The following PRSS1 variants were observed in gnomAD, a reference collection of about 807,000 sequenced individuals.
The protein encoded by PRSS1 is serine protease 1, also known as TCR V beta 4.1.
A neutral mutation model predicts 24.2 loss-of-function variants in PRSS1; 22 were observed. That is an observed-to-expected ratio of 0.91 (90% CI 0.65 to 1.30). The LOEUF (loss-of-function observed/expected upper bound fraction) is 1.30, where lower values mean the gene tolerates loss of function less well. Among genes scored for constraint, PRSS1 ranks in the 50% most tolerant of loss-of-function variants. The pLI is 0.00. For missense variants in PRSS1, 366 were observed against 304.2 expected, an observed-to-expected ratio of 1.20 and a Z score of -1.51; for synonymous variants, 126 against 116.1, an observed-to-expected ratio of 1.08 and a Z score of -0.55.
chr7:142,751,554 T>G, intron 2 of PRSS1: 1 of 774,900 alleles, frequency 1.3e-6, no homozygotes, highest in South Asian at 1.8e-5. Context: ...TCCCTTTGAC[T>G]CTTCCCCACC....
chr7:142,751,208 C>A (rs539882012), intron 2 of PRSS1: 2 of 662,250 alleles, frequency 3.0e-6, no homozygotes, highest in African/African-American at 1.8e-5. Context: ...GAGTATGCAT[C>A]AGAACGCCCT....
In PRSS1 at chr7:142,751,992, T is replaced by A; in HGVS notation, c.419T>A (p.Leu140His). ...TAPPATGTKC[L>H]ISGWGNTASS... ...CCTCCAGCCACTGGCACGAAGTGCC[T>A]CATCTCTGGCTGGGGCAACACTGCG... Residue 140 changes from leucine to histidine, a missense_variant, in exon 3 of 5, where the codon CTC becomes CAC. By Grantham distance (99) the Leu-to-His change is moderately conservative (BLOSUM62 -3). Coordinates refer to ENST00000311737, the MANE Select transcript of PRSS1 (RefSeq NM_002769.5). The A allele has an allele frequency of 6.2e-7, 1 of 1,614,110 alleles. No homozygotes were observed. The highest frequency in any genetic ancestry group is 8.5e-7 in the Non-Finnish European group (1 of 1,180,004).
intron 4 of PRSS1, 55 bp from the exon 5 acceptor site, chr7:142,752,813 T>C: frequency 3.1e-6 from 5 of 1,592,432 alleles, no homozygotes; most frequent in Middle Eastern, 1.7e-4. Context: ...TCAGAGTAAA[T>C]GTAGCTATAT....
At chr7:142,752,173 A>G in intron 3 of PRSS1, 146 bp downstream of exon 3, 1 of 1,356,250 alleles carries the variant, frequency 7.4e-7, no homozygotes, top group Non-Finnish European at 1.0e-6. Flanking sequence ...TGGGCACCAG[A>G]GAGATGCAAA....
rs995922863 is a variant in PRSS1, at chr7:142,751,197, T to G, written c.200+483T>G. On this transcript the variant is annotated intron_variant, in intron 2 of 4. Transcript: ENST00000311737. Reference sequence around the variant, plus strand: ...TGCCTACACCAAGAACTCTCAAACCTGAGTATGCATCAGAACGCCCTGCAG... The same window carrying G: ...TGCCTACACCAAGAACTCTCAAACCGGAGTATGCATCAGAACGCCCTGCAG... 9.0e-6 allele frequency: 6 copies of G among 667,508 alleles called. No individual in the cohort carries two copies. In the African/African-American group the frequency reaches 1.1e-4, roughly 13 times the overall value. 41.3% of individuals were successfully genotyped at this position (667,508 alleles called of 1,614,324 possible).
In PRSS1 at chr7:142,752,038, C is replaced by A. The variant is rs1400925603; in HGVS notation, c.454+11C>A. The A allele has an allele frequency of 2.5e-6, 4 of 1,614,064 alleles. No homozygotes were observed. The highest frequency in any genetic ancestry group is 2.2e-5 in the East Asian group (1 of 44,876). On this transcript the variant is annotated intron_variant, in intron 3 of 4. Transcript: ENST00000311737. ...CTGCGAGCTCTGGCGGTGAGTGGGA[C>A]CCTTAGTCCTTCTACTTCCCTCCAT...
intron 2 of PRSS1, 22 bp from the exon 3 acceptor site, chr7:142,751,752 C>T (rs375324622): frequency 3.1e-6 from 5 of 1,614,068 alleles, no homozygotes; most frequent in Non-Finnish European, 3.4e-6. Flanking sequence ...AAGGTCTTCA[C>T]CATGCCTGCC....
At chr7:142,750,091 C>T (rs1161722804) in intron 1 of PRSS1, among the ~76,000 whole-genome samples, 1 of 152,066 alleles carries the variant, frequency 6.6e-6, no homozygotes, top group African/African-American at 2.4e-5. Flanking sequence ...CTCAACTCTG[C>T]CCTGACTGCA....
Position 142,749,482 on chromosome 7 carries a change from A to G in PRSS1, c.-3A>G. The G allele has an allele frequency of 1.9e-6, 3 of 1,614,084 alleles. No homozygotes were observed. Among genetic ancestry groups the G allele is most frequent in the Non-Finnish European group, 2.5e-6 (3 of 1,180,002 alleles). On this transcript the variant is annotated 5_prime_UTR_variant, in exon 1 of 5. Transcript: ENST00000311737. Reference sequence around the variant, plus strand: ...CACCACCAGTCAGGCACACTCTACCACCATGAATCCACTCCTGATCCTTAC... The same window carrying G: ...CACCACCAGTCAGGCACACTCTACCGCCATGAATCCACTCCTGATCCTTAC...
Position 142,750,682 on chromosome 7 carries a change from G to C in PRSS1, c.168G>C (p.Gln56His). The C allele has an allele frequency of 1.2e-6, 2 of 1,613,970 alleles. No individual in the cohort carries two copies. Among genetic ancestry groups the C allele is most frequent in the South Asian group, 1.1e-5 (1 of 91,076 alleles). The change falls in exon 2 of 5, where the codon CAG becomes CAC. Residue 56 changes from glutamine (Q) to histidine (H), a missense_variant. Transcript: ENST00000311737. Reference protein sequence around the residue: ...HFCGGSLINEQWVVSAGHCYK... With the variant: ...HFCGGSLINEHWVVSAGHCYK... ...GTGGTGGCTCCCTCATCAACGAACAGTGGGTGGTATCAGCAGGCCACTGCT... is the reference window on the plus strand; with the variant it reads ...GTGGTGGCTCCCTCATCAACGAACACTGGGTGGTATCAGCAGGCCACTGCT...
At position 142,752,013 on chromosome 7, in the gene PRSS1, C is replaced by A. The variant is rs769724683; in HGVS notation, c.440C>A (p.Thr147Asn). 1.5e-5 allele frequency: 24 copies of A among 1,592,616 alleles called. No homozygotes were observed. In the East Asian group the frequency reaches 5.4e-4, roughly 36 times the overall value. The stretch of plus-strand genomic sequence containing the variant: ...TGCCTCATCTCTGGCTGGGGCAACA[C>A]TGCGAGCTCTGGCGGTGAGTGGGAC... ...TKCLISGWGN[T>N]ASSGADYPDE... The change falls in exon 3 of 5, where the codon ACT becomes AAT. Residue 147 changes from threonine to asparagine, a missense_variant. Coordinates refer to ENST00000311737, the MANE Select transcript of PRSS1 (RefSeq NM_002769.5).
At position 142,749,970 on chromosome 7, in the gene PRSS1, C is replaced by G. The variant is rs117046919; in HGVS notation, c.40+446C>G. Among the ~76,000 whole-genome samples, 8 of 152,290 alleles carry G rather than the reference C, an allele frequency of 5.3e-5. No homozygotes were observed. The East Asian group carries it at 1.4e-3, about 26-fold the overall frequency. Reference sequence around the variant, plus strand: ...GCTTGTGTTCTGGGCTTTTAAGCTTCCCAGGTGATTTTTAATATTTCCAGC... The same window carrying G: ...GCTTGTGTTCTGGGCTTTTAAGCTTGCCAGGTGATTTTTAATATTTCCAGC... On this transcript the variant is annotated intron_variant, in intron 1 of 4. Coordinates refer to ENST00000311737, the MANE Select transcript of PRSS1 (RefSeq NM_002769.5).
At chr7:142,751,295 T>C (rs796610606) in intron 2 of PRSS1, 1 of 601,264 alleles carries the variant, frequency 1.7e-6, no homozygotes, top group Non-Finnish European at 2.9e-6. Flanking sequence ...GGACCAAGAA[T>C]TCACATTTCT....
At position 142,753,010 on chromosome 7, in the gene PRSS1, C is replaced by T. The variant is rs1798882939; in HGVS notation, c.734C>T (p.Ala245Val). ...YVKWIKNTIA[A>V]NS Reference sequence around the variant, plus strand: ...AAATGGATTAAGAACACCATAGCTGCCAATAGCTAAAGCCCCCAGTATCTC... The same window carrying T: ...AAATGGATTAAGAACACCATAGCTGTCAATAGCTAAAGCCCCCAGTATCTC... Residue 245 changes from alanine (A) to valine (V), a missense_variant, in exon 5 of 5, where the codon GCC becomes GTC. By Grantham distance (64) the Ala-to-Val change is moderately conservative. Transcript: ENST00000311737. 3 of 1,613,474 alleles carry T rather than the reference C, an allele frequency of 1.9e-6. No homozygotes were observed. Among genetic ancestry groups the T allele is most frequent in the Non-Finnish European group, 2.5e-6 (3 of 1,179,760 alleles).
At chr7:142,752,666 C>T in intron 4 of PRSS1, 99 bp downstream of exon 4, 7 of 1,582,322 alleles carry the variant, frequency 4.4e-6, no homozygotes, top group East Asian at 2.2e-5. Flanking sequence ...GCTGAGGAGG[C>T]TCCCTGCAGT....
intron 1 of PRSS1, among the ~76,000 whole-genome samples, chr7:142,750,207 G>T (rs1192400368): frequency 7.8e-6 from 1 of 127,996 alleles, no homozygotes; most frequent in African/African-American, 3.2e-5. Context: ...AAATAGCCAG[G>T]GGAAGTACAC....
chr7:142,750,393 G>C (rs1363820626), intron 1 of PRSS1, among the ~76,000 whole-genome samples, 162 bp from the exon 2 acceptor site: 2 of 142,788 alleles, frequency 1.4e-5, no homozygotes, highest in African/African-American at 5.2e-5. Flanking sequence ...AGACTTGGGA[G>C]CCACAGGCAG....
rs1185286983 is a variant in PRSS1 at position 142,752,550 on chromosome 7, G to A, written c.574G>A (p.Gly192Ser). The A allele has an allele frequency of 6.2e-7, 1 of 1,614,180 alleles. No homozygotes were observed. The highest frequency in any genetic ancestry group is 2.2e-5 in the East Asian group (1 of 44,872). Residue 192 changes from glycine (G) to serine (S), a missense_variant, in exon 4 of 5, where the codon GGC (glycine) becomes AGC (serine). Gly to Ser is a moderately conservative substitution (Grantham distance 56). Transcript: ENST00000311737. Reference protein sequence around the residue: ...NMFCVGFLEGGKDSCQGDSGG... With the variant: ...NMFCVGFLEGSKDSCQGDSGG... ...GTTCTGTGTGGGCTTCCTTGAGGGA[G>A]GCAAGGATTCATGTCAGGTGATTTG...
Position 142,752,521 on chromosome 7 carries a change from ACAT to A in PRSS1, c.546_548del (p.Asn182_Met183delinsLys). 6 of 1,614,210 alleles carry A rather than the reference ACAT, an allele frequency of 3.7e-6. No homozygotes were observed. Among genetic ancestry groups the A allele is most frequent in the Non-Finnish European group, 5.1e-6 (6 of 1,180,030 alleles). Reference sequence around the variant, plus strand: ...TCCTACCCTGGAAAGATTACCAGCAACATGTTCTGTGTGGGCTTCCTTGAGGGA... The same window carrying A: ...TCCTACCCTGGAAAGATTACCAGCAAGTTCTGTGTGGGCTTCCTTGAGGGA... On this transcript the variant is annotated inframe_deletion, in exon 4 of 5. Transcript: ENST00000311737.
Sources: allele counts gnomAD v4.1 joint callset (sites outside exome capture counted in the v4.1 genomes callset), GRCh38; gene constraint gnomAD v4.1.1; transcripts MANE v1.5; gene names NCBI Gene and HGNC (gene_info 2026-07-23, HGNC 2026-07-21).